DLGAP2: variants seen among roughly 807,000 people sequenced by gnomAD.
DLGAP2 encodes the protein DLG associated protein 2, also known as disks large-associated protein 2.
Under a neutral mutation model 100.3 loss-of-function variants are expected in DLGAP2, and 26 were observed. That is an observed-to-expected ratio of 0.26 (90% CI 0.19 to 0.36). DLGAP2 has a LOEUF of 0.36. DLGAP2 is among the 10% of genes least tolerant of loss of function. The pLI is 1.00. For missense variants in DLGAP2, 1,858 were observed against 1,453.2 expected (o/e 1.28, Z -4.53); for synonymous variants, 886 against 630.1 (o/e 1.41, Z -6.08).
chr8:1,006,883 T>G (rs1801129269), intron 2 of DLGAP2, among the ~76,000 whole-genome samples: 1 of 131,312 alleles, frequency 7.6e-6, no homozygotes, highest in Non-Finnish European at 1.6e-5. Context: ...GTCTGAAGTC[T>G]CGGGATGTGG....
intron 2 of DLGAP2, among the ~76,000 whole-genome samples, chr8:1,100,710 A>G (rs1804550437): frequency 6.6e-6 from 1 of 152,214 alleles, no homozygotes; most frequent in African/African-American, 2.4e-5. Context: ...GTTGCATTTC[A>G]GCTCCTTTTG....
At chr8:1,297,412 C>T (rs182286410) in intron 3 of DLGAP2, among the ~76,000 whole-genome samples, 154 of 152,152 alleles carry the variant, frequency 1.0e-3, no homozygotes, top group African/African-American at 3.5e-3. Flanking sequence ...TGGTGAGAAA[C>T]GTGGCATGCG....
intron 2 of DLGAP2, 105 bp from the exon 3 acceptor site, chr8:1,258,746 G>A: frequency 3.0e-6 from 3 of 1,005,860 alleles, no homozygotes; most frequent in Non-Finnish European, 3.8e-6. Flanking sequence ...TGGTCAAGCG[G>A]CGTCATCTTA....
At chr8:1,614,431 A>G (rs1797082544) in intron 6 of DLGAP2, among the ~76,000 whole-genome samples, 1 of 152,234 alleles carries the variant, frequency 6.6e-6, no homozygotes, top group South Asian at 2.1e-4. Context: ...AGGTTGGAAT[A>G]TGACCACAGA....
intron 2 of DLGAP2, among the ~76,000 whole-genome samples, chr8:1,071,273 T>A (rs927340850): frequency 6.6e-6 from 1 of 152,226 alleles, no homozygotes; most frequent in East Asian, 1.9e-4. Context: ...GTCACCTTTT[T>A]CTTGTGGGTG....
chr8:1,639,013 T>C (rs960216847), intron 8 of DLGAP2, among the ~76,000 whole-genome samples: 1 of 152,120 alleles, frequency 6.6e-6, no homozygotes, highest in South Asian at 2.1e-4. Context: ...TGGGATGAAG[T>C]GCCCAACAGC....
chr8:1,202,561 A>T (rs1797902089), intron 2 of DLGAP2, among the ~76,000 whole-genome samples: 1 of 152,186 alleles, frequency 6.6e-6, no homozygotes, highest in East Asian at 1.9e-4. Flanking sequence ...ATGCAGAGGA[A>T]TTCCCCAGGA....
intron 12 of DLGAP2, chr8:1,680,978 C>A (rs1798929599): frequency 6.6e-6 from 1 of 152,132 alleles, no homozygotes; most frequent in African/African-American, 2.4e-5. Flanking sequence ...GCATGTCACT[C>A]AATCAAGCTG....
At chr8:1,516,295 ATGAG>A (rs912554855) in intron 4 of DLGAP2, among the ~76,000 whole-genome samples, 2 of 151,562 alleles carry the variant, frequency 1.3e-5, no homozygotes, top group African/African-American at 2.4e-5. Flanking sequence ...GAGTGCATGA[ATGAG>A]TGAGTGAATG....
chr8:1,134,880 C>T (rs534096748), intron 2 of DLGAP2, among the ~76,000 whole-genome samples: 4 of 152,216 alleles, frequency 2.6e-5, no homozygotes, highest in African/African-American at 9.6e-5. Flanking sequence ...GACCTCCCTC[C>T]GTGATCCAAT....
chr8:1,570,317 G>A (rs552061855), intron 6 of DLGAP2, among the ~76,000 whole-genome samples: 14 of 152,346 alleles, frequency 9.2e-5, no homozygotes, highest in African/African-American at 3.1e-4. Flanking sequence ...ACTGTGGCTG[G>A]CACCATGATG....
At chr8:911,521 G>A (rs1189577704) in intron 2 of DLGAP2, among the ~76,000 whole-genome samples, 1 of 151,628 alleles carries the variant, frequency 6.6e-6, no homozygotes, top group Non-Finnish European at 1.5e-5. Flanking sequence ...ATATATGTTG[G>A]AAAGACGTGT....
intron 2 of DLGAP2, among the ~76,000 whole-genome samples, chr8:982,957 A>G (rs1262376654): frequency 6.8e-6 from 1 of 146,002 alleles, no homozygotes; most frequent in Non-Finnish European, 1.5e-5. Flanking sequence ...CTTAAGAAAG[A>G]TTTGCCAAAT....
At chr8:1,573,143 A>AG (rs1802810354) in intron 6 of DLGAP2, among the ~76,000 whole-genome samples, 1 of 127,438 alleles carries the variant, frequency 7.8e-6, no homozygotes, top group Non-Finnish European at 1.6e-5. Flanking sequence ...GAGAGGAGAG[A>AG]TGGTGAACTG....
At chr8:987,084 C>T (rs1800509179) in intron 2 of DLGAP2, among the ~76,000 whole-genome samples, 1 of 152,218 alleles carries the variant, frequency 6.6e-6, no homozygotes, top group African/African-American at 2.4e-5. Context: ...CTTCACCAAA[C>T]TCCCGTCTTT....
At chr8:1,246,559 T>C (rs1798905600) in intron 2 of DLGAP2, among the ~76,000 whole-genome samples, 1 of 152,288 alleles carries the variant, frequency 6.6e-6, no homozygotes, top group South Asian at 2.1e-4. Context: ...AATACTGGGT[T>C]TTTACTGAGA....
At chr8:1,021,322 A>G (rs1359568095) in intron 2 of DLGAP2, among the ~76,000 whole-genome samples, 1 of 152,210 alleles carries the variant, frequency 6.6e-6, no homozygotes, top group Non-Finnish European at 1.5e-5. Context: ...AAGTGCTCAG[A>G]GAGAACAATT....
At chr8:1,067,267 A>G (rs1563173718) in intron 2 of DLGAP2, among the ~76,000 whole-genome samples, 1 of 152,206 alleles carries the variant, frequency 6.6e-6, no homozygotes, top group Non-Finnish European at 1.5e-5. Context: ...GGAGAGACTG[A>G]GAAGGCTGAA....
Position 1,586,187 on chromosome 8 carries a change from T to C in DLGAP2, c.1442+20293T>C, listed in dbSNP as rs561625472. Among the ~76,000 whole-genome samples, 330 of 152,368 alleles carry C rather than the reference T, an allele frequency of 2.2e-3. 2 individuals carry two copies. The highest frequency in any genetic ancestry group is 3.4e-3 in the Middle Eastern group (1 of 294). On this transcript the variant is annotated intron_variant, in intron 6 of 14. Coordinates refer to ENST00000637795, the MANE Select transcript of DLGAP2 (RefSeq NM_001346810.2). ...AGCCTGCCCTCCTTCCGGGTCTCTC[T>C]GGGCTAAGGCTGAGGTGTCGGCCGT...
Sources: allele counts gnomAD v4.1 joint callset (sites outside exome capture counted in the v4.1 genomes callset), GRCh38; gene constraint gnomAD v4.1.1; transcripts MANE v1.5; gene names NCBI Gene and HGNC (gene_info 2026-07-23, HGNC 2026-07-21).